NTM: variants seen among roughly 807,000 people sequenced by gnomAD.
NTM encodes neurotrimin.
NTM carries 13 observed loss-of-function variants against 42.1 expected under a neutral mutation model. That is an observed-to-expected ratio of 0.31 (90% CI 0.20 to 0.49). The LOEUF (loss-of-function observed/expected upper bound fraction) is 0.49, where lower values mean the gene tolerates loss of function less well. Ranked by LOEUF, NTM falls within the 20% of genes least tolerant of loss-of-function variation. The pLI, the probability that NTM is intolerant of heterozygous loss-of-function variation, is 0.99. For synonymous variants in NTM, 187 were observed against 179.2 expected, an observed-to-expected ratio of 1.04 and a Z score of -0.35; for missense variants, 373 against 452.8, an observed-to-expected ratio of 0.82 and a Z score of 1.60.
chr11:131,762,688 C>T (rs2084407117), intron 1 of NTM, among the ~76,000 whole-genome samples: 1 of 152,228 alleles, frequency 6.6e-6, no homozygotes, highest in African/African-American at 2.4e-5. Flanking sequence ...AGTAACAAGA[C>T]AGGAGTCAAT....
intron 2 of NTM, among the ~76,000 whole-genome samples, chr11:132,041,911 T>A (rs2077257695): frequency 1.3e-5 from 2 of 152,226 alleles, no homozygotes; most frequent in Non-Finnish European, 2.9e-5. Flanking sequence ...ATAAGTGTCA[T>A]GTATTAGTAT....
At chr11:131,970,799 G>T (rs2063431805) in intron 2 of NTM, among the ~76,000 whole-genome samples, 3 of 152,078 alleles carry the variant, frequency 2.0e-5, no homozygotes, top group Non-Finnish European at 1.5e-5. Context: ...CCCTGACAAG[G>T]GGATCATTGA....
intron 3 of NTM, among the ~76,000 whole-genome samples, chr11:132,207,842 G>T (rs1425985859): frequency 4.6e-5 from 7 of 152,132 alleles, no homozygotes; most frequent in Non-Finnish European, 7.4e-5. Flanking sequence ...CCATGTCAAG[G>T]TTGGCTTAGA....
chr11:132,307,849 C>G (rs376556487), intron 5 of NTM, 26 bp downstream of exon 5: 2 of 1,609,164 alleles, frequency 1.2e-6, no homozygotes, highest in African/African-American at 2.7e-5. Context: ...ACCACGCGCC[C>G]TGCACGTGCA....
chr11:132,222,931 T>TAAA (rs562101563), intron 4 of NTM, among the ~76,000 whole-genome samples: 65 of 152,328 alleles, frequency 4.3e-4, no homozygotes, highest in Middle Eastern at 3.4e-3. Context: ...ATCACTGCCT[T>TAAA]GCCCTTTATG....
intron 2 of NTM, among the ~76,000 whole-genome samples, chr11:132,071,870 C>T (rs1478503311): frequency 6.6e-6 from 1 of 152,054 alleles, no homozygotes; most frequent in Non-Finnish European, 1.5e-5. Context: ...TAGCAATAGG[C>T]CTGTATTAGG....
chr11:131,526,193 G>C (rs1449766524), intron 1 of NTM, among the ~76,000 whole-genome samples: 6 of 152,206 alleles, frequency 3.9e-5, no homozygotes, highest in Non-Finnish European at 1.5e-5. Flanking sequence ...GACACAGTCA[G>C]AATATGAGCC....
chr11:132,232,775 A>T (rs936946000), intron 4 of NTM, among the ~76,000 whole-genome samples: 1 of 152,244 alleles, frequency 6.6e-6, no homozygotes, highest in Non-Finnish European at 1.5e-5. Context: ...CCAAGAAAAT[A>T]AAAAAGGCAG....
intron 1 of NTM, among the ~76,000 whole-genome samples, chr11:131,834,392 T>C (rs1380317901): frequency 6.6e-6 from 1 of 152,050 alleles, no homozygotes; most frequent in East Asian, 1.9e-4. Flanking sequence ...TGATTTATCC[T>C]TTACTCAGTC....
At chr11:131,563,291 A>T (rs2056460578) in intron 1 of NTM, among the ~76,000 whole-genome samples, 1 of 152,204 alleles carries the variant, frequency 6.6e-6, no homozygotes, top group Admixed American at 6.5e-5. Context: ...TTTCTGAAGG[A>T]AAATATTAAT....
chr11:132,282,590 C>A (rs2094018043), intron 4 of NTM, among the ~76,000 whole-genome samples: 1 of 152,060 alleles, frequency 6.6e-6, no homozygotes, highest in Admixed American at 6.6e-5. Flanking sequence ...TATCTCATTG[C>A]CCAAACAGTG....
At chr11:132,325,139 G>A (rs1164581851) in intron 7 of NTM, among the ~76,000 whole-genome samples, 2 of 152,064 alleles carry the variant, frequency 1.3e-5, no homozygotes, top group Admixed American at 1.3e-4. Flanking sequence ...AACACCAAAA[G>A]CAATGGCAAC....
intron 2 of NTM, among the ~76,000 whole-genome samples, chr11:132,078,513 C>T (rs2058643171): frequency 6.6e-6 from 1 of 152,268 alleles, no homozygotes; most frequent in Middle Eastern, 3.4e-3. Context: ...TAGCAATTAG[C>T]CGTTAAGGGA....
At chr11:131,967,417 C>CT (rs1441867682) in intron 2 of NTM, among the ~76,000 whole-genome samples, 2 of 151,802 alleles carry the variant, frequency 1.3e-5, no homozygotes, top group Admixed American at 6.6e-5. Context: ...TTCATTGATG[C>CT]TTTTTTTTGT....
chr11:131,925,416 G>A (rs576127600), intron 2 of NTM, among the ~76,000 whole-genome samples: 6 of 121,678 alleles, frequency 4.9e-5, no homozygotes, highest in Admixed American at 2.2e-4. Flanking sequence ...ACAGGGTCTC[G>A]CTCTGTCACC....
chr11:131,860,429 A>G (rs1263092107), intron 1 of NTM, among the ~76,000 whole-genome samples: 1 of 152,140 alleles, frequency 6.6e-6, no homozygotes, highest in African/African-American at 2.4e-5. Flanking sequence ...CCTCCACAAA[A>G]ATGCAGCAAA....
At chr11:131,451,514 A>G (rs1418170143) in intron 1 of NTM, among the ~76,000 whole-genome samples, 2 of 152,136 alleles carry the variant, frequency 1.3e-5, no homozygotes, top group East Asian at 3.9e-4. Context: ...AGGGGGTCCC[A>G]TGCAGGAACT....
Position 131,789,525 on chromosome 11 carries a change from AAGAAGAAGAAGAAGAAG to A in NTM, c.83-122037_83-122021del, listed in dbSNP as rs2090193302. 1.2e-4 allele frequency among the ~76,000 whole-genome samples: 3 copies of A among 25,216 alleles called. 1 individual carries two copies. The highest frequency in any genetic ancestry group is 6.8e-4 in the African/African-American group (3 of 4,384). 16.5% of individuals were successfully genotyped at this position (25,216 alleles called of 152,430 possible). On this transcript the variant is annotated intron_variant, in intron 1 of 8. Coordinates refer to ENST00000683400, the MANE Select transcript of NTM (RefSeq NM_001352005.2). ...GAAGAAGAAGAAGAAGAAGAAGAAG[AAGAAGAAGAAGAAGAAG>A]AAGAAAAGAAGAAGAAGAAGAAGAA...
intron 3 of NTM, among the ~76,000 whole-genome samples, chr11:132,188,783 A>AAGG (rs1432547627): frequency 3.9e-5 from 6 of 152,158 alleles, no homozygotes; most frequent in Admixed American, 3.9e-4. Flanking sequence ...TCTGATTTAA[A>AAGG]ATAAAGGCAA....
Sources: gnomAD v4.1 joint callset for allele counts (sites outside exome capture counted in the v4.1 genomes callset) on GRCh38, gnomAD v4.1.1 for gene constraint, MANE v1.5 for transcripts, NCBI Gene and HGNC (gene_info 2026-07-23, HGNC 2026-07-21) for gene names.